Variants in DCDC2B observed in about 807,000 individuals in gnomAD.
DCDC2B encodes doublecortin domain containing 2B, also known as doublecortin domain-containing protein 2B.
Under a neutral mutation model 38.9 loss-of-function variants are expected in DCDC2B, and 41 were observed. The ratio of observed to expected loss-of-function variants is 1.05; its 90% CI spans 0.82 to 1.37. DCDC2B has a LOEUF of 1.37. Ranked by LOEUF, DCDC2B falls within the 40% of genes most tolerant of loss-of-function variation. DCDC2B has a pLI of 0.00. For synonymous variants in DCDC2B, 181 were observed against 171.9 expected, an observed-to-expected ratio of 1.05 and a Z score of -0.41; for missense variants, 453 against 427.2, an observed-to-expected ratio of 1.06 and a Z score of -0.53.
rs376478983 is a variant in DCDC2B, at chr1:32,211,213, G to A, written c.267-59G>A. 6.9e-5 allele frequency: 104 copies of A among 1,514,734 alleles called. No individual in the cohort carries two copies. The African/African-American group carries it at 1.4e-3, about 20-fold the overall frequency. The allele number at this position is 1,514,734 out of a possible 1,614,324, so 93.8% of individuals were successfully genotyped here. On this transcript the variant is annotated intron_variant, in intron 1 of 8. Transcript: ENST00000409358. ...GCGCCCCAACCCAACACTGACATCT[G>A]CCAGGCTATTGAGGCCTCAGTCTCC... is the stretch of plus-strand genomic sequence containing the variant.
intron 7 of DCDC2B, 122 bp downstream of exon 7, chr1:32,215,054 A>T: frequency 3.7e-6 from 1 of 267,368 alleles, no homozygotes; most frequent in Non-Finnish European, 5.5e-6. Context: ...CCGGCACTGG[A>T]AAAAAAAAAA....
At chr1:32,215,235 A>T (rs1638278263) in intron 7 of DCDC2B, 2 of 599,932 alleles carry the variant, frequency 3.3e-6, no homozygotes, top group Non-Finnish European at 5.8e-6. Flanking sequence ...GGCAGTGCTT[A>T]AAGCGATAAG....
At position 32,215,440 on chromosome 1, in the gene DCDC2B, G is replaced by A. The variant is rs1453988724; in HGVS notation, c.851G>A (p.Gly284Glu). The change falls in exon 8 of 9, where the codon GGA (glycine) becomes GAA (glutamate). Residue 284 changes from glycine (G) to glutamate (E), a missense_variant and splice_region_variant. Gly to Glu is a moderately conservative substitution (Grantham distance 98). Coordinates refer to ENST00000409358, the MANE Select transcript of DCDC2B (RefSeq NM_001099434.2). ...SKLPTLSFPS[G>E]VIGVYGAPHR... is the part of the protein sequence containing the mutation. The stretch of plus-strand genomic sequence containing the variant: ...ACCCAGTGCTGCCTCCCCTCTTTAG[G>A]AGTTATAGGAGTATATGGAGCTCCC... 1.2e-6 allele frequency: 2 copies of A among 1,610,024 alleles called. No homozygotes were observed. Among genetic ancestry groups the A allele is most frequent in the Non-Finnish European group, 1.7e-6 (2 of 1,178,462 alleles).
At position 32,214,778 on chromosome 1, in the gene DCDC2B, C is replaced by T. The variant is rs1232576871; in HGVS notation, c.715-19C>T. 6.2e-7 allele frequency: 1 copy of T among 1,613,594 alleles called. No homozygotes were observed. The highest frequency in any genetic ancestry group is 8.5e-7 in the Non-Finnish European group (1 of 1,179,652). Reference sequence around the variant, plus strand: ...GAATGGCCAGCAATCAGGGTCCAAGCCCAGTGTCCCTTCTCTAGGCCCAAG... The same window carrying T: ...GAATGGCCAGCAATCAGGGTCCAAGTCCAGTGTCCCTTCTCTAGGCCCAAG... On this transcript the variant is annotated intron_variant, in intron 6 of 8. Coordinates refer to ENST00000409358, the MANE Select transcript of DCDC2B (RefSeq NM_001099434.2).
intron 6 of DCDC2B, 137 bp from the exon 7 acceptor site, chr1:32,214,660 C>A: frequency 7.9e-7 from 1 of 1,273,692 alleles, no homozygotes; most frequent in Non-Finnish European, 1.1e-6. Flanking sequence ...GGAGGGAGGA[C>A]GTACTTTGTG....
chr1:32,212,739 CT>C lies in DCDC2B; in HGVS notation c.675-11del. 1 of 1,613,882 alleles carries C rather than the reference CT, an allele frequency of 6.2e-7. No individual in the cohort carries two copies. The highest frequency in any genetic ancestry group is 1.3e-5 in the African/African-American group (1 of 75,020). On this transcript the variant is annotated splice_polypyrimidine_tract_variant and intron_variant, in intron 5 of 8. Transcript: ENST00000409358. The stretch of plus-strand genomic sequence containing the variant: ...GCCCTCTGCCCACTACAAGCCTTTC[CT>C]TTTGTCATTGTAGGCAACCTCCAGG...
intron 7 of DCDC2B, 178 bp downstream of exon 7, chr1:32,215,110 TAA>T (rs76434576): frequency 0.013 from 8,618 of 647,226 alleles, no homozygotes; most frequent in South Asian, 0.019. Context: ...AGACTGCCCG[TAA>T]AAAAAAAAAA....
chr1:32,211,850 G>A lies in DCDC2B; in HGVS notation c.395+13G>A. ...CCAGCTATATCCAGTGAGTGCCAGTGTGAGGGAGCAGGGGTGTTGATGTTT... is the reference window on the plus strand; with the variant it reads ...CCAGCTATATCCAGTGAGTGCCAGTATGAGGGAGCAGGGGTGTTGATGTTT... On this transcript the variant is annotated intron_variant, in intron 3 of 8. Coordinates refer to ENST00000409358, the MANE Select transcript of DCDC2B (RefSeq NM_001099434.2). The A allele has an allele frequency of 3.1e-6, 5 of 1,602,796 alleles. No individual in the cohort carries two copies. Among genetic ancestry groups the A allele is most frequent in the Non-Finnish European group, 4.3e-6 (5 of 1,174,738 alleles).
chr1:32,209,570 T>G (rs562103366), intron 1 of DCDC2B, among the ~76,000 whole-genome samples: 25 of 152,232 alleles, frequency 1.6e-4, no homozygotes, highest in African/African-American at 5.1e-4. Context: ...TCAAATAGAA[T>G]TCTGTGTGTT....
At chr1:32,210,805 C>T (rs1281730938) in intron 1 of DCDC2B, among the ~76,000 whole-genome samples, 1 of 152,088 alleles carries the variant, frequency 6.6e-6, no homozygotes, top group Non-Finnish European at 1.5e-5. Context: ...GCCTCGAACT[C>T]CTGAGCTCAC....
chr1:32,215,017 A>G (rs1638260777), intron 7 of DCDC2B, 85 bp downstream of exon 7: 2 of 1,539,870 alleles, frequency 1.3e-6, no homozygotes, highest in African/African-American at 2.8e-5. Context: ...GGGGATGTCC[A>G]TGGGAGCAGA....
chr1:32,214,848 C>T lies in DCDC2B; in HGVS notation c.766C>T (p.Arg256Ter), dbSNP rs752730834. The change falls in exon 7 of 9, where the codon CGA (arginine) becomes TGA (stop). Residue 256 changes from arginine to a stop codon, truncating the protein, a stop_gained. Transcript: ENST00000409358. LOFTEE classifies it high-confidence loss of function. ...CCAGCCCTCTCCAAAGGAACCAGAC[C>T]GAATTAAGCCATCTGCTTTCTATGC... Reference protein sequence around the residue: ...VTQPSPKEPDRIKPSAFYARP... With the variant: ...VTQPSPKEPD The T allele has an allele frequency of 1.5e-5, 24 of 1,613,800 alleles. No homozygotes were observed. The highest frequency in any genetic ancestry group is 9.9e-5 in the South Asian group (9 of 91,068).
intron 1 of DCDC2B, among the ~76,000 whole-genome samples, chr1:32,209,920 C>T (rs1441053946): frequency 1.3e-5 from 2 of 152,152 alleles, no homozygotes; most frequent in South Asian, 2.1e-4. Flanking sequence ...TGGCTGGGCA[C>T]GGTGGTTCAC....
Position 32,216,067 on chromosome 1 carries a change from T to C in DCDC2B, c.*170T>C, listed in dbSNP as rs1638360113. On this transcript the variant is annotated 3_prime_UTR_variant, in exon 9 of 9. Coordinates refer to ENST00000409358, the MANE Select transcript of DCDC2B (RefSeq NM_001099434.2). ...TGCTCCTAAACCCACAGCCCAGCCT[T>C]CCCTTCCTCTGAGCAGAGCAGCCCT... 2.8e-6 allele frequency: 2 copies of C among 715,668 alleles called. No homozygotes were observed. The highest frequency in any genetic ancestry group is 4.6e-6 in the Non-Finnish European group (2 of 430,300). The allele number at this position is 715,668 out of a possible 1,614,324, so 44.3% of individuals were successfully genotyped here.
At chr1:32,213,292 A>C (rs1643662884) in intron 6 of DCDC2B, among the ~76,000 whole-genome samples, 1 of 151,868 alleles carries the variant, frequency 6.6e-6, no homozygotes. Flanking sequence ...TTGGCCTCCC[A>C]AAGTGCTGTG....
chr1:32,215,277 G>A, intron 7 of DCDC2B, 163 bp from the exon 8 acceptor site: 3 of 643,066 alleles, frequency 4.7e-6, no homozygotes, highest in South Asian at 4.1e-5. Context: ...GGGGATGGGG[G>A]TGGGACCAAA....
chr1:32,211,333 G>C lies in DCDC2B; in HGVS notation c.318+10G>C, dbSNP rs572238102. On this transcript the variant is annotated intron_variant, in intron 2 of 8. Transcript: ENST00000409358. ...GAGCTGCAGACTACAAGTGAGTCCC[G>C]GGGAACCTGTGCCCCAGCCCCTCTG... The C allele has an allele frequency of 3.1e-6, 5 of 1,613,520 alleles. No individual in the cohort carries two copies. Among genetic ancestry groups the C allele is most frequent in the Non-Finnish European group, 3.4e-6 (4 of 1,179,732 alleles).
intron 6 of DCDC2B, 157 bp from the exon 7 acceptor site, chr1:32,214,640 G>A (rs1638241118): frequency 2.9e-6 from 3 of 1,032,070 alleles, no homozygotes; most frequent in Non-Finnish European, 2.8e-6. Flanking sequence ...CTGGTGGGAA[G>A]AGGCAGCAAG....
At chr1:32,214,751 A>G (rs759020301) in intron 6 of DCDC2B, 46 bp from the exon 7 acceptor site, 5 of 1,610,398 alleles carry the variant, frequency 3.1e-6, no homozygotes, top group Non-Finnish European at 3.4e-6. Flanking sequence ...TAGGAAAGGT[A>G]AGAATGGCCA....
Sources: gnomAD v4.1 joint callset for allele counts (sites outside exome capture counted in the v4.1 genomes callset) on GRCh38, gnomAD v4.1.1 for gene constraint, MANE v1.5 for transcripts, NCBI Gene and HGNC (gene_info 2026-07-23, HGNC 2026-07-21) for gene names.